The following RPSA2 variants were observed in gnomAD, a reference collection of about 807,000 sequenced individuals.
The protein encoded by RPSA2 is small ribosomal subunit protein uS2B.
chr19:23,864,878 A>C, the RPSA2 span, among the ~76,000 whole-genome samples: 1 of 152,136 alleles, frequency 6.6e-6, no homozygotes. Context: ...CAGATGACTG[A>C]CAACCACCCT....
the RPSA2 span, among the ~76,000 whole-genome samples, chr19:23,825,782 T>C: frequency 5.9e-5 from 9 of 151,824 alleles, no homozygotes; most frequent in African/African-American, 1.9e-4. Context: ...AGAGACAGGG[T>C]TTCTCCATGT....
the RPSA2 span, among the ~76,000 whole-genome samples, chr19:23,855,880 T>C: frequency 2.6e-5 from 4 of 152,028 alleles, no homozygotes; most frequent in African/African-American, 7.3e-5. Flanking sequence ...ATTAGGTGGC[T>C]CCGGAGGCAA....
the RPSA2 span, chr19:23,818,542 C>T: frequency 1.3e-4 from 20 of 152,520 alleles, no homozygotes; most frequent in Non-Finnish European, 2.2e-4. Flanking sequence ...TGATAAACGG[C>T]ATTTCTCATT....
the RPSA2 span, among the ~76,000 whole-genome samples, chr19:23,788,813 G>C: frequency 6.6e-6 from 1 of 152,078 alleles, no homozygotes; most frequent in Non-Finnish European, 1.5e-5. Context: ...GACATGTTTT[G>C]GATCCATATC....
chr19:23,761,929 T>TC, the RPSA2 span, among the ~76,000 whole-genome samples: 30 of 80,522 alleles, frequency 3.7e-4, no homozygotes, highest in South Asian at 4.0e-4. Flanking sequence ...TCTTTTTTTT[T>TC]TTTTTTGAGA....
At chr19:23,784,818 G>C in the RPSA2 span, among the ~76,000 whole-genome samples, 148,984 of 152,308 alleles carry the variant, frequency 0.98, 72,958 homozygotes, top group Middle Eastern at 1. Context: ...TGGTGACTCT[G>C]AGACCAAATT....
the RPSA2 span, among the ~76,000 whole-genome samples, chr19:23,786,731 C>T: frequency 1.3e-5 from 2 of 152,070 alleles, no homozygotes; most frequent in East Asian, 3.9e-4. Context: ...TGACAGATTA[C>T]TGGCCTAGCA....
chr19:23,765,001 G>A, the RPSA2 span, among the ~76,000 whole-genome samples: 2 of 152,126 alleles, frequency 1.3e-5, no homozygotes, highest in African/African-American at 2.4e-5. Flanking sequence ...ATCTTGGAGT[G>A]TCTAATGAGT....
the RPSA2 span, among the ~76,000 whole-genome samples, chr19:23,859,608 C>T: frequency 7.8e-6 from 1 of 128,710 alleles, no homozygotes; most frequent in African/African-American, 2.9e-5. Context: ...GCCTGGGCAA[C>T]AATAACAAAG....
the RPSA2 span, among the ~76,000 whole-genome samples, chr19:23,766,798 A>G: frequency 0.99 from 147,737 of 149,104 alleles, 73,203 homozygotes; most frequent in Middle Eastern, 1. Flanking sequence ...CGCTCTTGTT[A>G]CCCAGGCTGG....
chr19:23,866,513 G>GTCCCC, the RPSA2 span, among the ~76,000 whole-genome samples: 64 of 142,278 alleles, frequency 4.5e-4, no homozygotes, highest in Non-Finnish European at 6.6e-4. Flanking sequence ...ACAATGTGGT[G>GTCCCC]CCCCCCCCCG....
the RPSA2 span, among the ~76,000 whole-genome samples, chr19:23,866,735 C>T: frequency 6.6e-6 from 1 of 152,114 alleles, no homozygotes; most frequent in African/African-American, 2.4e-5. Context: ...TTGATTGATT[C>T]CCTCTCCCCA....
At chr19:23,822,416 G>A in the RPSA2 span, among the ~76,000 whole-genome samples, 1 of 152,156 alleles carries the variant, frequency 6.6e-6, no homozygotes, top group East Asian at 1.9e-4. Context: ...GGAGATTCCT[G>A]CAATCTGGCC....
chr19:23,833,782 ATTTAC>A, the RPSA2 span, among the ~76,000 whole-genome samples: 1 of 152,090 alleles, frequency 6.6e-6, no homozygotes. Flanking sequence ...GCAGAAGAGT[ATTTAC>A]TTTAAAAAAG....
the RPSA2 span, among the ~76,000 whole-genome samples, chr19:23,768,261 G>T: frequency 6.6e-6 from 1 of 152,008 alleles, no homozygotes; most frequent in East Asian, 1.9e-4. Flanking sequence ...TACCAGAGAA[G>T]AGAAATAGGA....
At chr19:23,852,396 G>T in the RPSA2 span, among the ~76,000 whole-genome samples, 1 of 151,978 alleles carries the variant, frequency 6.6e-6, no homozygotes, top group African/African-American at 2.4e-5. Flanking sequence ...GGAAATCAGG[G>T]GTCTCACAGC....
the RPSA2 span, among the ~76,000 whole-genome samples, chr19:23,770,262 A>G: frequency 6.6e-6 from 1 of 152,154 alleles, no homozygotes; most frequent in Non-Finnish European, 1.5e-5. Context: ...TTGCCCAAGC[A>G]GGGATTGTGA....
chr19:23,808,176 C>A, the RPSA2 span, among the ~76,000 whole-genome samples: 3 of 151,802 alleles, frequency 2.0e-5, no homozygotes, highest in Admixed American at 6.6e-5. Flanking sequence ...AGTTTAGTTG[C>A]ATAAAATATT....
chr19:23,871,019 G>A, the RPSA2 span, among the ~76,000 whole-genome samples: 148,938 of 152,258 alleles, frequency 0.98, 72,937 homozygotes, highest in Middle Eastern at 1. Context: ...ATGCTGTCAT[G>A]CAGGCCTACA....
Sources: gnomAD v4.1 joint callset for allele counts (sites outside exome capture counted in the v4.1 genomes callset) on GRCh38, gnomAD v4.1.1 for gene constraint, MANE v1.5 for transcripts, NCBI Gene and HGNC (gene_info 2026-07-23, HGNC 2026-07-21) for gene names.